C2: variants seen among roughly 807,000 people sequenced by gnomAD.
The protein encoded by C2 is complement C2, also known as C3/C5 convertase.
C2 carries 64 observed loss-of-function variants against 85.2 expected under a neutral mutation model. The ratio of observed to expected loss-of-function variants is 0.75; its 90% CI spans 0.61 to 0.92. C2 has a LOEUF of 0.92. Among genes scored for constraint, C2 ranks in the 40% least tolerant of loss-of-function variants. C2 has a pLI of 0.00. For synonymous variants in C2, 311 were observed against 370.8 expected (o/e 0.84, Z 1.85); for missense variants, 820 against 971.6 (o/e 0.84, Z 2.07).
At chr6:31,932,126 C>T (rs9267702) in intron 3 of C2, among the ~76,000 whole-genome samples, 8 of 129,508 alleles carry the variant, frequency 6.2e-5, no homozygotes, top group Admixed American at 1.5e-4. Context: ...GGCTGACCCC[C>T]CCACCTCCCT....
At chr6:31,934,767 TGGG>T in intron 6 of C2, 1 of 883,834 alleles carries the variant, frequency 1.1e-6, no homozygotes, top group Non-Finnish European at 1.4e-6. Flanking sequence ...CCCAACACTT[TGGG>T]AGGCCGAGGC....
At position 31,935,195 on chromosome 6, in the gene C2, G is replaced by C. The variant is rs1770304736; in HGVS notation, c.850-728G>C. On this transcript the variant is annotated intron_variant, in intron 6 of 17. Coordinates refer to ENST00000299367, the MANE Select transcript of C2 (RefSeq NM_000063.6). This position sits in a 1 kb window ranked among gnomAD's most constrained non-coding sequence, Gnocchi z 4.3. ...AGAGGGCAGTTTCTGTGCTCTCTTG[G>C]GACTCAAAATTAAGTAACTCATTGC... 2 of 395,366 alleles carry C rather than the reference G, an allele frequency of 5.1e-6. No homozygotes were observed. Among genetic ancestry groups the C allele is most frequent in the Admixed American group, 1.3e-4 (2 of 15,514 alleles). The allele number at this position is 395,366 out of a possible 1,614,324, so 24.5% of individuals were successfully genotyped here. A position where few individuals can be genotyped will look rare whatever the true frequency, so the allele number is the denominator to read the frequency against.
intron 1 of C2, among the ~76,000 whole-genome samples, chr6:31,914,202 C>T (rs1325133190): frequency 6.6e-6 from 1 of 151,898 alleles, no homozygotes; most frequent in Non-Finnish European, 1.5e-5. Context: ...TGAGCCACCA[C>T]GCCCAGCCAG....
chr6:31,935,112 C>A lies in C2; in HGVS notation c.850-811C>A. On this transcript the variant is annotated intron_variant, in intron 6 of 17. Coordinates refer to ENST00000299367, the MANE Select transcript of C2 (RefSeq NM_000063.6). This position sits in a 1 kb window ranked among gnomAD's most constrained non-coding sequence, Gnocchi z 4.3. ...GCCAGAACTTTGTTTTGTAATTGTG[C>A]TTTTCACAATACTTCATGTAACATT... 1 of 970,228 alleles carries A rather than the reference C, an allele frequency of 1.0e-6. No homozygotes were observed. Among genetic ancestry groups the A allele is most frequent in the Non-Finnish European group, 1.2e-6 (1 of 816,058 alleles). The allele number at this position is 970,228 out of a possible 1,614,324, so 60.1% of individuals were successfully genotyped here.
intron 1 of C2, chr6:31,901,370 C>T: frequency 3.3e-6 from 5 of 1,510,266 alleles, no homozygotes; most frequent in Non-Finnish European, 4.4e-6. Context: ...CTCTGGCTCT[C>T]CGAAGCCAAG....
At chr6:31,930,488 A>T (rs1473951821) in intron 3 of C2, among the ~76,000 whole-genome samples, 1 of 152,178 alleles carries the variant, frequency 6.6e-6, no homozygotes, top group Non-Finnish European at 1.5e-5. Context: ...GTAGCTGGGA[A>T]TGCAGGCATG....
At chr6:31,925,905 T>C (rs1264598993), upstream of C2, among the ~76,000 whole-genome samples, 1 of 152,162 alleles carries the variant, frequency 6.6e-6, no homozygotes, top group Non-Finnish European at 1.5e-5. Flanking sequence ...ACATCAACAC[T>C]GTGTCAGACA....
chr6:31,932,297 A>AC (rs1171648335), intron 3 of C2: 8 of 154,730 alleles, frequency 5.2e-5, no homozygotes, highest in East Asian at 2.1e-4. Flanking sequence ...CGGGGGGCTG[A>AC]CCCCCCCACC....
chr6:31,925,866 A>G (rs1582060745), upstream of C2, among the ~76,000 whole-genome samples: 1 of 152,216 alleles, frequency 6.6e-6, no homozygotes, highest in East Asian at 1.9e-4. Flanking sequence ...CTCTTGTAAC[A>G]ATCTAAGTGG....
intron 1 of C2, among the ~76,000 whole-genome samples, chr6:31,913,117 T>C (rs1357453431): frequency 1.3e-5 from 2 of 152,116 alleles, no homozygotes; most frequent in African/African-American, 4.8e-5. Context: ...TTTGCATTAT[T>C]ATTTATCTTA....
At chr6:31,913,130 G>T (rs1191226167) in intron 1 of C2, among the ~76,000 whole-genome samples, 1 of 150,752 alleles carries the variant, frequency 6.6e-6, no homozygotes, top group African/African-American at 2.4e-5. Context: ...TTATCTTAAT[G>T]AGATAGACTC....
In C2 at chr6:31,943,982, G is replaced by A; in HGVS notation, c.1799G>A (p.Cys600Tyr). ...CTGCGGAGACCTCAAGGCAGCACCT[G>A]TAGGGACCATGGTGAGTGCTGGGAC... The part of the protein sequence containing the change: ...LALRRPQGST[C>Y]RDHENELLNK... The change falls in exon 14 of 18, where the codon TGT (cysteine) becomes TAT (tyrosine). Residue 600 changes from cysteine (C) to tyrosine (Y), a missense_variant. Coordinates refer to ENST00000299367, the MANE Select transcript of C2 (RefSeq NM_000063.6). The surrounding 1 kb of genome is among the most constrained non-coding windows in gnomAD (Gnocchi z 6.4). 1 of 1,612,988 alleles carries A rather than the reference G, an allele frequency of 6.2e-7. No individual in the cohort carries two copies. The highest frequency in any genetic ancestry group is 2.2e-5 in the East Asian group (1 of 44,894).
At chr6:31,919,386 C>T (rs1768804243), upstream of C2, among the ~76,000 whole-genome samples, 1 of 152,162 alleles carries the variant, frequency 6.6e-6, no homozygotes, top group African/African-American at 2.4e-5. Flanking sequence ...CTCAGGTGAT[C>T]CACCTGCCTT....
rs201155904 is a variant in C2, at chr6:31,920,399, G to T, written c.-100+373G>T. 5.3e-5 allele frequency among the ~76,000 whole-genome samples: 8 copies of T among 152,266 alleles called. No individual in the cohort carries two copies. The East Asian group carries it at 1.5e-3, about 29-fold the overall frequency. ...AAAACATTAGAGAGGAATTTTCAAT[G>T]AAAGGGCAGAGGAGGCTAGTGAGGC... On this transcript the variant is annotated intron_variant, in intron 1 of 3. Transcript: ENST00000413154. This position sits in a 1 kb window ranked among gnomAD's most constrained non-coding sequence, Gnocchi z 5.6.
chr6:31,935,787 A>T lies in C2; in HGVS notation c.850-136A>T. The T allele has an allele frequency of 1.1e-6, 1 of 944,958 alleles. No individual in the cohort carries two copies. Among genetic ancestry groups the T allele is most frequent in the Non-Finnish European group, 1.7e-6 (1 of 591,426 alleles). The allele number at this position is 944,958 out of a possible 1,614,324, so 58.5% of individuals were successfully genotyped here. On this transcript the variant is annotated intron_variant, in intron 6 of 17. Transcript: ENST00000299367. The surrounding 1 kb of genome is among the most constrained non-coding windows in gnomAD (Gnocchi z 4.3). ...AGCTTCTTCCTAACAGCCATTTCCT[A>T]GTGTCTCCCCTGGTCCTTGCCTCTG...
chr6:31,934,488 T>C (rs1432382952), intron 6 of C2, 189 bp downstream of exon 6: 41 of 1,216,420 alleles, frequency 3.4e-5, no homozygotes, highest in Non-Finnish European at 4.6e-5. Flanking sequence ...ACAAGCACTG[T>C]TGGGACACTG....
chr6:31,922,832 A>G (rs1359006278), upstream of C2, among the ~76,000 whole-genome samples: 1 of 152,214 alleles, frequency 6.6e-6, no homozygotes, highest in Non-Finnish European at 1.5e-5. The surrounding 1 kb of genome is among the most constrained non-coding windows in gnomAD (Gnocchi z 4.8). Flanking sequence ...ACAAAGCAAG[A>G]CTTTGTCTCA....
In C2 at chr6:31,922,683, A is replaced by T. The variant is rs9267676; in HGVS notation, c.-100+2657A>T. Among the ~76,000 whole-genome samples, 13,081 of 152,132 alleles carry T rather than the reference A, an allele frequency of 0.086. 673 individuals are homozygous for T. The highest frequency in any genetic ancestry group is 0.16 in the South Asian group (768 of 4,822). ...ATGGTGAAACCCCATCTCTACTAAA[A>T]ATACAAAAATTAGCTGGGCATGGTA... On this transcript the variant is annotated intron_variant, in intron 1 of 3. Coordinates refer to the C2 transcript ENST00000413154. The surrounding 1 kb of genome is among the most constrained non-coding windows in gnomAD (Gnocchi z 4.8).
In C2 at chr6:31,928,093, G is replaced by T. The variant is rs764034564; in HGVS notation, c.185G>T (p.Arg62Leu). The T allele has an allele frequency of 1.9e-6, 3 of 1,613,822 alleles. No homozygotes were observed. The highest frequency in any genetic ancestry group is 2.5e-6 in the Non-Finnish European group (3 of 1,180,010). The change falls in exon 2 of 18, where the codon CGG becomes CTG. Residue 62 changes from arginine (R) to leucine (L), a missense_variant. Transcript: ENST00000299367. ...GGCCTGTACCCATCCCCAGCATCAC[G>T]GCTGTGCAAGAGCAGCGGACAGTGG... ...PQGLYPSPAS[R>L]LCKSSGQWQT...
Sources: allele counts gnomAD v4.1 joint callset (sites outside exome capture counted in the v4.1 genomes callset), GRCh38; gene constraint gnomAD v4.1.1; non-coding constraint Gnocchi (gnomAD v3.1); transcripts MANE v1.5; gene names NCBI Gene and HGNC (gene_info 2026-07-23, HGNC 2026-07-21).